PKP1: variants seen among roughly 807,000 people sequenced by gnomAD.
The protein encoded by PKP1 is plakophilin-1.
PKP1 carries 27 observed loss-of-function variants against 76.4 expected under a neutral mutation model. The observed-to-expected ratio is 0.35, with a 90% CI of 0.26 to 0.49. The LOEUF is 0.49. Ranked by LOEUF, PKP1 falls within the 20% of genes least tolerant of loss-of-function variation. The probability of loss-of-function intolerance (pLI) is 0.99; values close to 1 mark genes in which losing one functional copy is unlikely to be tolerated. For missense variants in PKP1, 964 were observed against 955.2 expected, an observed-to-expected ratio of 1.01 and a Z score of -0.12; for synonymous variants, 404 against 384.2, an observed-to-expected ratio of 1.05 and a Z score of -0.60.
chr1:201,289,198 A>G (rs1186448385), intron 1 of PKP1, among the ~76,000 whole-genome samples: 1 of 152,186 alleles, frequency 6.6e-6, no homozygotes, highest in East Asian at 1.9e-4. Context: ...CTCTGAGGGT[A>G]TTCTCTCAGC....
chr1:201,300,596 T>C (rs1446979383), intron 2 of PKP1, among the ~76,000 whole-genome samples: 1 of 152,204 alleles, frequency 6.6e-6, no homozygotes, highest in South Asian at 2.1e-4. Flanking sequence ...CGTGACTGTG[T>C]TGGGGACTCC....
chr1:201,308,215 C>T (rs560821116), intron 2 of PKP1, among the ~76,000 whole-genome samples: 147 of 152,348 alleles, frequency 9.6e-4, no homozygotes, highest in Non-Finnish European at 9.6e-4. Flanking sequence ...GCTGCCTCAC[C>T]CTGCCTAGAA....
intron 4 of PKP1, 71 bp from the exon 5 acceptor site, chr1:201,317,501 C>A: frequency 7.7e-7 from 1 of 1,298,266 alleles, no homozygotes; most frequent in Non-Finnish European, 1.1e-6. Flanking sequence ...AAAAAATCAC[C>A]TTTGAGTAGA....
At chr1:201,287,979 A>G (rs925492633) in intron 1 of PKP1, among the ~76,000 whole-genome samples, 2 of 152,196 alleles carry the variant, frequency 1.3e-5, no homozygotes, top group South Asian at 2.1e-4. Flanking sequence ...GCATATATGC[A>G]TGTATACACA....
Position 201,283,911 on chromosome 1 carries a change from G to T in PKP1, c.202+7G>T, listed in dbSNP as rs373397502. The T allele has an allele frequency of 3.7e-6, 6 of 1,613,514 alleles. No individual in the cohort carries two copies. Among genetic ancestry groups the T allele is most frequent in the East Asian group, 4.5e-5 (2 of 44,864 alleles). ...CTGAGCCACTCCAATCGAGGTAAAGGCTCGGCCCCCGCGTGGTCCGTGCGC... is the reference window on the plus strand; with the variant it reads ...CTGAGCCACTCCAATCGAGGTAAAGTCTCGGCCCCCGCGTGGTCCGTGCGC... On this transcript the variant is annotated splice_region_variant and intron_variant, in intron 1 of 13. Transcript: ENST00000367324.
intron 2 of PKP1, among the ~76,000 whole-genome samples, chr1:201,296,934 T>A (rs1359487699): frequency 6.6e-6 from 1 of 152,200 alleles, no homozygotes. Flanking sequence ...CATTCTCAAA[T>A]AGCAAAGCTT....
At chr1:201,321,024 C>T (rs1280426104) in intron 7 of PKP1, among the ~76,000 whole-genome samples, 1 of 152,164 alleles carries the variant, frequency 6.6e-6, no homozygotes, top group Non-Finnish European at 1.5e-5. Context: ...CTGAGATGTT[C>T]CCACCATGGC....
chr1:201,303,990 G>A (rs1244051413), intron 2 of PKP1, among the ~76,000 whole-genome samples: 2 of 152,220 alleles, frequency 1.3e-5, no homozygotes, highest in African/African-American at 4.8e-5. Context: ...ATTTAAGGTG[G>A]ATGTTTCTGA....
chr1:201,313,731 C>G (rs1042332591), intron 3 of PKP1, among the ~76,000 whole-genome samples, 171 bp downstream of exon 3: 8 of 152,218 alleles, frequency 5.3e-5, no homozygotes, highest in Non-Finnish European at 1.2e-4. Context: ...GAGAACCTGG[C>G]CCCATGGGCC....
intron 12 of PKP1, among the ~76,000 whole-genome samples, chr1:201,326,454 A>G (rs1034727107): frequency 6.6e-6 from 1 of 152,236 alleles, no homozygotes; most frequent in Non-Finnish European, 1.5e-5. Context: ...TTGTTGTATG[A>G]CATCTTCACA....
At chr1:201,294,132 TA>T in intron 2 of PKP1, 87 bp downstream of exon 2, 3 of 869,784 alleles carry the variant, frequency 3.4e-6, no homozygotes, top group Non-Finnish European at 5.7e-6. Context: ...CACCAGTTGC[TA>T]AAAAGAGTGA....
chr1:201,284,847 C>T (rs1476613236), intron 1 of PKP1, among the ~76,000 whole-genome samples: 2 of 152,068 alleles, frequency 1.3e-5, no homozygotes, highest in Admixed American at 6.5e-5. Context: ...GGATCCCGGG[C>T]CTGGCACCCC....
Position 201,325,034 on chromosome 1 carries a change from CTG to C in PKP1, c.1931_1932del (p.Val644GlufsTer45). 2 of 1,613,936 alleles carry C rather than the reference CTG, an allele frequency of 1.2e-6. No individual in the cohort carries two copies. Among genetic ancestry groups the C allele is most frequent in the Non-Finnish European group, 1.7e-6 (2 of 1,180,018 alleles). On this transcript the variant is annotated frameshift_variant, in exon 11 of 14. Coordinates refer to ENST00000367324, the MANE Select transcript of PKP1 (RefSeq NM_001005337.3). LOFTEE classifies it high-confidence loss of function. ...GACATCTTGTCCTCGGCCTGCTACA[CTG>C]TGAGGAACCTGATGGCCTCGCAGCC... is the stretch of plus-strand genomic sequence containing the variant.
At chr1:201,319,496 T>C (rs1024850267) in intron 6 of PKP1, among the ~76,000 whole-genome samples, 1 of 152,172 alleles carries the variant, frequency 6.6e-6, no homozygotes, top group Non-Finnish European at 1.5e-5. Flanking sequence ...GGCATGTGCC[T>C]CTGTGTCTCA....
chr1:201,301,240 G>C (rs1293294148), intron 2 of PKP1, among the ~76,000 whole-genome samples: 1 of 152,204 alleles, frequency 6.6e-6, no homozygotes, highest in Non-Finnish European at 1.5e-5. Flanking sequence ...AGGGAGACTT[G>C]TCACTGCTAA....
intron 12 of PKP1, chr1:201,328,480 T>G (rs1657214502): frequency 2.0e-6 from 1 of 492,890 alleles, no homozygotes; most frequent in Non-Finnish European, 3.7e-6. Flanking sequence ...TAAAAAATAA[T>G]ACTAGCCTAA....
chr1:201,296,475 G>C (rs747831354), intron 2 of PKP1, among the ~76,000 whole-genome samples: 1 of 152,186 alleles, frequency 6.6e-6, no homozygotes, highest in African/African-American at 2.4e-5. Flanking sequence ...TAGTTTGTCT[G>C]CACAAGCATC....
At chr1:201,309,884 G>A (rs1209147970) in intron 2 of PKP1, among the ~76,000 whole-genome samples, 2 of 152,320 alleles carry the variant, frequency 1.3e-5, no homozygotes, top group African/African-American at 2.4e-5. Flanking sequence ...CTCAGGTGCC[G>A]ACAGCACCCA....
intron 13 of PKP1, 116 bp downstream of exon 13, chr1:201,328,984 G>A: frequency 1.3e-6 from 1 of 755,292 alleles, no homozygotes; most frequent in South Asian, 1.4e-5. Flanking sequence ...CCTTTTGCCT[G>A]GCTCTGGACA....
Sources: gnomAD v4.1 joint callset for allele counts (sites outside exome capture counted in the v4.1 genomes callset) on GRCh38, gnomAD v4.1.1 for gene constraint, MANE v1.5 for transcripts, NCBI Gene and HGNC (gene_info 2026-07-23, HGNC 2026-07-21) for gene names.